ANKRD36C: variants seen among roughly 807,000 people sequenced by gnomAD.
ANKRD36C encodes the protein ankyrin repeat domain 36C, also known as ankyrin repeat domain-containing protein 36C.
A neutral mutation model predicts 276.4 loss-of-function variants in ANKRD36C; 61 were observed. That is an observed-to-expected ratio of 0.22 (90% CI 0.18 to 0.27). The LOEUF is 0.27. Among genes scored for constraint, ANKRD36C ranks in the 10% least tolerant of loss-of-function variants. ANKRD36C has a pLI of 1.00. For missense variants in ANKRD36C, 1,447 were observed against 2,032.3 expected, an observed-to-expected ratio of 0.71 and a Z score of 5.54; for synonymous variants, 483 against 680.1, an observed-to-expected ratio of 0.71 and a Z score of 4.51.
chr2:95,972,917 AT>A (rs1199259627), intron 6 of ANKRD36C, among the ~76,000 whole-genome samples: 1 of 152,190 alleles, frequency 6.6e-6, no homozygotes, highest in Non-Finnish European at 1.5e-5. Flanking sequence ...ATCACAGCCA[AT>A]TGTCTTCAAC....
In ANKRD36C at chr2:95,876,845, CTG is replaced by C. The variant is rs1471752751; in HGVS notation, c.3470-338_3470-337del. Among the ~76,000 whole-genome samples, 434 of 108,898 alleles carry C rather than the reference CTG, an allele frequency of 4.0e-3. 1 individual carries two copies. The highest frequency in any genetic ancestry group is 6.9e-3 in the Non-Finnish European group (376 of 54,830). 71.4% of individuals were successfully genotyped at this position (108,898 alleles called of 152,430 possible). ...CTCCAGCCTGGGTGGCAGAGCGAGA[CTG>C]TGTCTCAAAAAAAAAAAAAAAAAAA... is the stretch of plus-strand genomic sequence containing the variant. On this transcript the variant is annotated intron_variant, in intron 58 of 66. Coordinates refer to ENST00000456556, the Ensembl canonical transcript of ANKRD36C.
chr2:95,876,339 A>G, intron 59 of ANKRD36C, 100 bp downstream of exon 79: 2 of 922,450 alleles, frequency 2.2e-6, no homozygotes, highest in South Asian at 1.5e-5. Context: ...AACTGATACT[A>G]AAAGGCTAAT....
chr2:95,983,321 A>C (rs1678958194), intron 3 of ANKRD36C, among the ~76,000 whole-genome samples: 1 of 151,762 alleles, frequency 6.6e-6, no homozygotes, highest in Admixed American at 6.6e-5. Flanking sequence ...GCTGTCAGAA[A>C]GCTCTGTATG....
At chr2:95,959,945 T>C (rs1405687154) in intron 10 of ANKRD36C, among the ~76,000 whole-genome samples, 1 of 152,212 alleles carries the variant, frequency 6.6e-6, no homozygotes. Context: ...TTCCCTCAGG[T>C]TTCCTCAGCA....
intron 6 of ANKRD36C, among the ~76,000 whole-genome samples, chr2:95,973,585 T>C (rs1278704925): frequency 6.6e-6 from 1 of 152,208 alleles, no homozygotes; most frequent in African/African-American, 2.4e-5. Context: ...ACTAAAAATA[T>C]CTATTAAAAC....
chr2:95,970,502 G>A (rs953833527), intron 6 of ANKRD36C, among the ~76,000 whole-genome samples: 1 of 151,998 alleles, frequency 6.6e-6, no homozygotes, highest in Admixed American at 6.6e-5. Context: ...ATATATAAAG[G>A]AACCATAAAC....
chr2:95,912,087 G>T lies in ANKRD36C; in HGVS notation c.2653+157C>A, dbSNP rs1314607413. Among the ~76,000 whole-genome samples, 6 of 151,372 alleles carry T rather than the reference G, an allele frequency of 4.0e-5. No individual in the cohort carries two copies. The South Asian group carries it at 1.2e-3, about 31-fold the overall frequency. On this transcript the variant is annotated intron_variant, in intron 42 of 66. Transcript: ENST00000456556. Reference sequence around the variant, plus strand: ...ACAGTGAAGATCATGTTCCAGACCAGCAGCATCAGCATAACCCAAGAACTT... The same window carrying T: ...ACAGTGAAGATCATGTTCCAGACCATCAGCATCAGCATAACCCAAGAACTT...
At chr2:95,950,916 G>GC in intron 15 of ANKRD36C, 137 bp from the exon 16 acceptor site, 1 of 786,068 alleles carries the variant, frequency 1.3e-6, no homozygotes. Context: ...CACTTGAGAA[G>GC]CCAAGGAGTT....
intron 22 of ANKRD36C, among the ~76,000 whole-genome samples, chr2:95,938,300 C>T (rs991794081): frequency 6.6e-6 from 1 of 151,252 alleles, no homozygotes; most frequent in Non-Finnish European, 1.5e-5. Context: ...ACTGTATCTA[C>T]CAAAGAGTTA....
intron 38 of ANKRD36C, among the ~76,000 whole-genome samples, chr2:95,915,666 C>T (rs1271157379): frequency 6.6e-6 from 1 of 151,480 alleles, no homozygotes; most frequent in African/African-American, 2.4e-5. Context: ...TCCTCCCTTT[C>T]TCCTTACACC....
At chr2:95,863,956 A>T (rs1204377367) in intron 60 of ANKRD36C, among the ~76,000 whole-genome samples, 1 of 152,076 alleles carries the variant, frequency 6.6e-6, no homozygotes, top group African/African-American at 2.4e-5. Context: ...GTGAACCCCA[A>T]TGCAAATTAT....
intron 38 of ANKRD36C, 72 bp downstream of exon 40, chr2:95,915,908 C>T (rs1034651945): frequency 2.2e-5 from 33 of 1,501,846 alleles, no homozygotes; most frequent in Non-Finnish European, 2.9e-5. Context: ...ACCAGCCCCC[C>T]ACTGATTTAT....
intron 28 of ANKRD36C, 48 bp from the exon 29 acceptor site, chr2:95,925,595 A>C: frequency 6.7e-7 from 1 of 1,500,898 alleles, no homozygotes; most frequent in Non-Finnish European, 9.0e-7. Context: ...AATATGATAA[A>C]GTCGTCCACA....
At chr2:95,970,201 T>C (rs1337551121) in intron 6 of ANKRD36C, among the ~76,000 whole-genome samples, 1 of 152,196 alleles carries the variant, frequency 6.6e-6, no homozygotes, top group African/African-American at 2.4e-5. Flanking sequence ...CAGCTGCCAA[T>C]GCAGAAGAGC....
Position 95,919,808 on chromosome 2 carries a change from G to C in ANKRD36C, c.2246-1766C>G, listed in dbSNP as rs1371875073. On this transcript the variant is annotated intron_variant, in intron 34 of 66. Transcript: ENST00000456556. ...GAATCTTCCTCGTCAGTTGTAGCCT[G>C]AATGGAATTTGAAAGAAAATAATAA... 2.1e-5 allele frequency: 31 copies of C among 1,453,428 alleles called. 4 individuals carry two copies. Among genetic ancestry groups the C allele is most frequent in the Non-Finnish European group, 2.7e-5 (29 of 1,079,008 alleles). The allele number at this position is 1,453,428 out of a possible 1,614,324, so 90.0% of individuals were successfully genotyped here.
chr2:95,924,569 A>G (rs1257129998), intron 30 of ANKRD36C, among the ~76,000 whole-genome samples: 1 of 151,674 alleles, frequency 6.6e-6, no homozygotes, highest in Non-Finnish European at 1.5e-5. Context: ...AAGAATTTTC[A>G]CTAAATAGCT....
intron 6 of ANKRD36C, among the ~76,000 whole-genome samples, chr2:95,968,345 T>C (rs1309006438): frequency 6.6e-6 from 1 of 152,194 alleles, no homozygotes; most frequent in Non-Finnish European, 1.5e-5. Flanking sequence ...TTATCAAAAT[T>C]TGTTACCTTA....
chr2:95,901,948 C>T (rs1461681974), intron 42 of ANKRD36C, among the ~76,000 whole-genome samples: 3 of 149,060 alleles, frequency 2.0e-5, no homozygotes, highest in Non-Finnish European at 4.5e-5. Context: ...CAAATGGCTA[C>T]AAGCATTAGA....
chr2:95,973,273 G>T (rs537377637), intron 6 of ANKRD36C, among the ~76,000 whole-genome samples: 3 of 152,112 alleles, frequency 2.0e-5, no homozygotes, highest in African/African-American at 4.8e-5. Flanking sequence ...TTAGCTGGGC[G>T]TGGTGGTGCA....
Sources: gnomAD v4.1 joint callset for allele counts (sites outside exome capture counted in the v4.1 genomes callset) on GRCh38, gnomAD v4.1.1 for gene constraint, MANE v1.5 for transcripts, NCBI Gene and HGNC (gene_info 2026-07-23, HGNC 2026-07-21) for gene names.